CRYBG1: variants seen among roughly 807,000 people sequenced by gnomAD.
CRYBG1 encodes the protein crystallin beta-gamma domain containing 1.
A neutral mutation model predicts 189.2 loss-of-function variants in CRYBG1; 139 were observed. The observed-to-expected ratio is 0.73, with a 90% CI of 0.64 to 0.85. CRYBG1 has a LOEUF of 0.85. Ranked by LOEUF, CRYBG1 falls within the 40% of genes least tolerant of loss-of-function variation. The probability of loss-of-function intolerance (pLI) is 0.00; values close to 1 mark genes in which losing one functional copy is unlikely to be tolerated. For synonymous variants in CRYBG1, 1,023 were observed against 1,017.1 expected, an observed-to-expected ratio of 1.01 and a Z score of -0.11; for missense variants, 2,611 against 2,675.8, an observed-to-expected ratio of 0.98 and a Z score of 0.53.
intron 1 of CRYBG1, among the ~76,000 whole-genome samples, chr6:106,396,193 T>C (rs1182857815): frequency 6.6e-6 from 1 of 152,228 alleles, no homozygotes; most frequent in African/African-American, 2.4e-5. Flanking sequence ...TAATTTTTTT[T>C]CCTTTGAACT....
chr6:106,424,861 T>A (rs2114394631), intron 1 of CRYBG1, among the ~76,000 whole-genome samples: 1 of 152,254 alleles, frequency 6.6e-6, no homozygotes, highest in East Asian at 1.9e-4. Context: ...GTCATTGGCA[T>A]CTTCACCCTA....
chr6:106,563,719 C>A, intron 20 of CRYBG1, 45 bp from the exon 21 acceptor site: 2 of 1,562,582 alleles, frequency 1.3e-6, no homozygotes, highest in Non-Finnish European at 1.8e-6. Flanking sequence ...ATGAGACTTA[C>A]AGCTGGATAC....
intron 20 of CRYBG1, among the ~76,000 whole-genome samples, chr6:106,562,691 G>A (rs1219489074): frequency 6.6e-6 from 1 of 152,212 alleles, no homozygotes; most frequent in Non-Finnish European, 1.5e-5. Flanking sequence ...GTTTCACCAT[G>A]TTGGCCAGGA....
In CRYBG1 at chr6:106,568,645, A is replaced by G. The variant is rs746482499; in HGVS notation, c.*79A>G. 1 of 1,036,382 alleles carries G rather than the reference A, an allele frequency of 9.6e-7. No homozygotes were observed. Among genetic ancestry groups the G allele is most frequent in the African/African-American group, 1.6e-5 (1 of 62,856 alleles). The allele number at this position is 1,036,382 out of a possible 1,614,324, so 64.2% of individuals were successfully genotyped here. ...AAAAGGACAATGCTGATGGAAGACCAGACTGGAAAGTGGATCGACTCCTCC... is the reference window on the plus strand; with the variant it reads ...AAAAGGACAATGCTGATGGAAGACCGGACTGGAAAGTGGATCGACTCCTCC... On this transcript the variant is annotated 3_prime_UTR_variant, in exon 22 of 22. Transcript: ENST00000633556.
chr6:106,368,025 C>T (rs1158117861), intron 1 of CRYBG1, among the ~76,000 whole-genome samples: 1 of 151,998 alleles, frequency 6.6e-6, no homozygotes, highest in Non-Finnish European at 1.5e-5. Flanking sequence ...AGTATTTGTC[C>T]ACAATTAAAA....
At chr6:106,391,324 T>G (rs1468321962) in intron 1 of CRYBG1, among the ~76,000 whole-genome samples, 2 of 152,116 alleles carry the variant, frequency 1.3e-5, no homozygotes, top group Admixed American at 6.5e-5. Context: ...TCAGGTGATC[T>G]GCCCACCTAG....
chr6:106,361,669 A>T (rs759057453), intron 1 of CRYBG1, among the ~76,000 whole-genome samples: 9 of 152,222 alleles, frequency 5.9e-5, no homozygotes, highest in Non-Finnish European at 1.2e-4. Flanking sequence ...GCACCTAGTT[A>T]TCAAAACTGT....
chr6:106,519,321 C>T lies in CRYBG1; in HGVS notation c.2113C>T (p.Pro705Ser). ...TGACATTCGAGGCCAAAGGAATACTCCTGCCTCTAGTAAAACGTTTGTTGG... is the reference window on the plus strand; with the variant it reads ...TGACATTCGAGGCCAAAGGAATACTTCTGCCTCTAGTAAAACGTTTGTTGG... ...HTDIRGQRNT[P>S]ASSKTFVGRA... Residue 705 changes from proline to serine, a missense_variant, in exon 4 of 22, where the codon CCT becomes TCT. Pro to Ser is a moderately conservative substitution (Grantham distance 74). Coordinates refer to ENST00000633556, the MANE Select transcript of CRYBG1 (RefSeq NM_001371242.2). 1 of 1,614,118 alleles carries T rather than the reference C, an allele frequency of 6.2e-7. No individual in the cohort carries two copies. The highest frequency in any genetic ancestry group is 2.2e-5 in the East Asian group (1 of 44,882).
chr6:106,544,982 T>G, intron 13 of CRYBG1, 49 bp downstream of exon 13: 5 of 1,535,128 alleles, frequency 3.3e-6, no homozygotes, highest in Non-Finnish European at 4.4e-6. Flanking sequence ...TTTACCTTGG[T>G]TTGTTTTAAA....
chr6:106,376,672 C>T (rs1480286010), intron 1 of CRYBG1, among the ~76,000 whole-genome samples: 1 of 152,158 alleles, frequency 6.6e-6, no homozygotes, highest in Admixed American at 6.5e-5. Flanking sequence ...CCATTGGGAG[C>T]CCTGGTCTGC....
intron 1 of CRYBG1, among the ~76,000 whole-genome samples, chr6:106,433,724 T>C (rs1771384518): frequency 1.6e-5 from 1 of 61,610 alleles, no homozygotes; most frequent in Non-Finnish European, 2.7e-5. Flanking sequence ...GGGAAATATA[T>C]ATATATATAT....
At chr6:106,417,705 G>A (rs1771050660) in intron 1 of CRYBG1, among the ~76,000 whole-genome samples, 1 of 152,252 alleles carries the variant, frequency 6.6e-6, no homozygotes, top group Admixed American at 6.5e-5. Flanking sequence ...GTCCCTTGTG[G>A]GAGGGAGAAT....
At chr6:106,561,051 C>T in intron 19 of CRYBG1, 125 bp downstream of exon 19, 1 of 1,100,394 alleles carries the variant, frequency 9.1e-7, no homozygotes, top group East Asian at 2.5e-5. Context: ...TAAACTCCTT[C>T]CCTGCCCCAA....
chr6:106,504,807 A>G (rs1773093777), intron 2 of CRYBG1, among the ~76,000 whole-genome samples: 1 of 152,126 alleles, frequency 6.6e-6, no homozygotes, highest in African/African-American at 2.4e-5. Flanking sequence ...AGGGATCTGT[A>G]TGTGGATCCT....
chr6:106,361,902 T>G (rs894608237), intron 1 of CRYBG1, among the ~76,000 whole-genome samples: 10 of 151,132 alleles, frequency 6.6e-5, no homozygotes, highest in African/African-American at 2.4e-4. Flanking sequence ...ATACACCCTA[T>G]GAGGGCCAGA....
chr6:106,426,383 C>T (rs1327466965), intron 1 of CRYBG1, among the ~76,000 whole-genome samples: 1 of 152,182 alleles, frequency 6.6e-6, no homozygotes, highest in African/African-American at 2.4e-5. Flanking sequence ...CTAGACCCCA[C>T]AGCCACTCAT....
intron 2 of CRYBG1, among the ~76,000 whole-genome samples, chr6:106,473,921 G>A (rs974543688): frequency 2.0e-5 from 3 of 152,102 alleles, no homozygotes; most frequent in Non-Finnish European, 2.9e-5. Flanking sequence ...CTTACTCACC[G>A]GAATCCAGTG....
Position 106,570,120 on chromosome 6 carries a change from C to CTCTT in CRYBG1, c.*1556_*1559dup, listed in dbSNP as rs1436450104. The CTCTT allele has an allele frequency of 6.6e-6, 1 of 152,182 alleles. No homozygotes were observed. The highest frequency in any genetic ancestry group is 1.9e-4 in the East Asian group (1 of 5,194). 9.4% of individuals were successfully genotyped at this position (152,182 alleles called of 1,614,324 possible). The stretch of plus-strand genomic sequence containing the variant: ...AAACATTTCCTTGAATATATTCTTC[C>CTCTT]TCTTTTTGTCCTCATCACTCAATAC... On this transcript the variant is annotated 3_prime_UTR_variant, in exon 22 of 22. Coordinates refer to ENST00000633556, the MANE Select transcript of CRYBG1 (RefSeq NM_001371242.2).
intron 1 of CRYBG1, among the ~76,000 whole-genome samples, chr6:106,364,486 C>A (rs913431257): frequency 5.3e-5 from 8 of 152,176 alleles, no homozygotes; most frequent in Non-Finnish European, 1.0e-4. Flanking sequence ...TTGGCTACTT[C>A]TCTTTCCAAA....
Sources: gnomAD v4.1 joint callset for allele counts (sites outside exome capture counted in the v4.1 genomes callset) on GRCh38, gnomAD v4.1.1 for gene constraint, MANE v1.5 for transcripts, NCBI Gene and HGNC (gene_info 2026-07-23, HGNC 2026-07-21) for gene names.